Variants in DGKB observed in about 807,000 individuals in gnomAD.
The protein encoded by DGKB is 90 kDa diacylglycerol kinase.
Under a neutral mutation model 114.3 loss-of-function variants are expected in DGKB, and 67 were observed. The ratio of observed to expected loss-of-function variants is 0.59; its 90% CI spans 0.48 to 0.72. The LOEUF is 0.72. Among genes scored for constraint, DGKB ranks in the 30% least tolerant of loss-of-function variants. DGKB has a pLI of 0.00. For missense variants in DGKB, 907 were observed against 975.2 expected, an observed-to-expected ratio of 0.93 and a Z score of 0.93; for synonymous variants, 398 against 323.1, an observed-to-expected ratio of 1.23 and a Z score of -2.49.
intron 20 of DGKB, among the ~76,000 whole-genome samples, chr7:14,560,694 A>T (rs191282027): frequency 2.6e-5 from 4 of 152,146 alleles, no homozygotes; most frequent in African/African-American, 9.7e-5. Flanking sequence ...TCTCTTCAAG[A>T]TCCTGATTTC....
At chr7:14,916,448 G>A (rs778909258) in intron 1 of DGKB, among the ~76,000 whole-genome samples, 20 of 152,044 alleles carry the variant, frequency 1.3e-4, no homozygotes, top group Non-Finnish European at 2.2e-4. Context: ...TTAAAGGGAT[G>A]GAGAAAGATA....
intron 23 of DGKB, among the ~76,000 whole-genome samples, chr7:14,194,634 T>A (rs1388521483): frequency 6.6e-6 from 1 of 152,098 alleles, no homozygotes; most frequent in Non-Finnish European, 1.5e-5. Context: ...ATATGTTATA[T>A]TATGTTATAT....
intron 1 of DGKB, among the ~76,000 whole-genome samples, chr7:14,943,934 T>A (rs1391395683): frequency 6.6e-6 from 1 of 151,918 alleles, no homozygotes; most frequent in African/African-American, 2.4e-5. Flanking sequence ...AATGGATCAC[T>A]CTTAACTCAC....
chr7:14,620,778 TA>T (rs951210400), intron 15 of DGKB, among the ~76,000 whole-genome samples: 7 of 151,784 alleles, frequency 4.6e-5, no homozygotes, highest in African/African-American at 1.7e-4. Flanking sequence ...CCACAGGCGG[TA>T]AAGATAACTT....
chr7:14,231,082 CCTTTCTTTCTTTCTTTCTTT>C lies in DGKB; in HGVS notation c.2123-52951_2123-52932del, dbSNP rs201778587. On this transcript the variant is annotated intron_variant, in intron 23 of 25. Transcript: ENST00000402815. Reference sequence around the variant, plus strand: ...AAGGTTAAAAATTCTTTCTTCTTTCCCTTTCTTTCTTTCTTTCTTTCTTTCTTTCTTTCTTTCTTTCTTTC... The same window carrying C: ...AAGGTTAAAAATTCTTTCTTCTTTCCCTTTCTTTCTTTCTTTCTTTCTTTC... Among the ~76,000 whole-genome samples the C allele has an allele frequency of 4.8e-3, 589 of 121,864 alleles. 3 individuals carry two copies. Among genetic ancestry groups the C allele is most frequent in the Middle Eastern group, 0.012 (3 of 250 alleles). 79.9% of individuals were successfully genotyped at this position (121,864 alleles called of 152,430 possible).
chr7:14,199,785 A>AT (rs1013127421), intron 23 of DGKB, among the ~76,000 whole-genome samples: 21 of 152,096 alleles, frequency 1.4e-4, no homozygotes, highest in Admixed American at 3.9e-4. Flanking sequence ...GATTTCTGAA[A>AT]TAAAAGGAGT....
At chr7:14,431,133 T>C (rs1047927466) in intron 21 of DGKB, among the ~76,000 whole-genome samples, 3 of 152,130 alleles carry the variant, frequency 2.0e-5, no homozygotes, top group Admixed American at 1.3e-4. Context: ...CCGGGTTTTC[T>C]CTTTCATTGT....
At chr7:14,700,949 T>C (rs117853913) in intron 7 of DGKB, among the ~76,000 whole-genome samples, 187 of 152,222 alleles carry the variant, frequency 1.2e-3, no homozygotes, top group Admixed American at 2.6e-3. Flanking sequence ...TAAGGTAGAT[T>C]ATTGGATAGA....
intron 23 of DGKB, among the ~76,000 whole-genome samples, chr7:14,232,152 T>A (rs1033920753): frequency 2.0e-5 from 3 of 151,806 alleles, no homozygotes; most frequent in African/African-American, 7.3e-5. Flanking sequence ...GATCTAAGAG[T>A]AATATAAGAG....
At chr7:14,446,328 C>T (rs1303561727) in intron 21 of DGKB, among the ~76,000 whole-genome samples, 1 of 152,134 alleles carries the variant, frequency 6.6e-6, no homozygotes, top group Non-Finnish European at 1.5e-5. Context: ...CTTCTGAGAT[C>T]CTCATCAAAG....
intron 21 of DGKB, among the ~76,000 whole-genome samples, chr7:14,350,411 G>A (rs59831821): frequency 0.37 from 55,440 of 151,630 alleles, 10,234 homozygotes; most frequent in South Asian, 0.43. Flanking sequence ...ACAAACAAAC[G>A]AAACAGTAAA....
chr7:14,702,065 T>G (rs1215423334), intron 6 of DGKB, among the ~76,000 whole-genome samples: 1 of 152,130 alleles, frequency 6.6e-6, no homozygotes, highest in Non-Finnish European at 1.5e-5. Flanking sequence ...GCCTGGGTAT[T>G]AAAGAGCAGA....
intron 13 of DGKB, among the ~76,000 whole-genome samples, chr7:14,664,968 C>CTGCAGATAT (rs1817767386): frequency 6.6e-6 from 1 of 151,856 alleles, no homozygotes; most frequent in South Asian, 2.1e-4. Context: ...AAAGCGAGCA[C>CTGCAGATAT]TGCAGATATT....
intron 25 of DGKB, among the ~76,000 whole-genome samples, chr7:14,158,749 T>TAGAG (rs1783419330): frequency 6.6e-6 from 1 of 152,156 alleles, no homozygotes; most frequent in African/African-American, 2.4e-5. Flanking sequence ...AGTACTGGAT[T>TAGAG]AGAGAGGAAA....
At chr7:14,345,498 C>T (rs1583312028) in intron 21 of DGKB, 107 bp from the exon 22 acceptor site, 2 of 584,060 alleles carry the variant, frequency 3.4e-6, no homozygotes, top group Non-Finnish European at 6.0e-6. Flanking sequence ...GGTCTGAGGA[C>T]ATGTGACATC....
At chr7:14,410,442 C>A (rs1233392359) in intron 21 of DGKB, among the ~76,000 whole-genome samples, 1 of 152,030 alleles carries the variant, frequency 6.6e-6, no homozygotes, top group African/African-American at 2.4e-5. Flanking sequence ...TTCAGCAAGA[C>A]ACATCTAAAA....
intron 25 of DGKB, among the ~76,000 whole-genome samples, chr7:14,156,298 T>G (rs1237374314): frequency 6.6e-6 from 1 of 152,066 alleles, no homozygotes; most frequent in African/African-American, 2.4e-5. Flanking sequence ...TATTAGAGAG[T>G]GATCTACTGA....
chr7:14,153,999 GT>G, intron 25 of DGKB, among the ~76,000 whole-genome samples: 1 of 151,898 alleles, frequency 6.6e-6, no homozygotes, highest in East Asian at 1.9e-4. Flanking sequence ...TATTTGGGGT[GT>G]TTTCTAGCAA....
At chr7:14,630,003 A>G (rs1809393024) in intron 14 of DGKB, among the ~76,000 whole-genome samples, 1 of 152,084 alleles carries the variant, frequency 6.6e-6, no homozygotes, top group African/African-American at 2.4e-5. Flanking sequence ...TAGGTCACAT[A>G]ACTTCTTGTT....
Sources: gnomAD v4.1 joint callset for allele counts (sites outside exome capture counted in the v4.1 genomes callset) on GRCh38, gnomAD v4.1.1 for gene constraint, MANE v1.5 for transcripts, NCBI Gene and HGNC (gene_info 2026-07-23, HGNC 2026-07-21) for gene names.